The following ZNF440 variants were observed in gnomAD, a reference collection of about 807,000 sequenced individuals.
ZNF440 encodes the protein zinc finger protein 440.
In ZNF440, 47 loss-of-function variants were observed where a neutral mutation model predicts 49.7. The ratio of observed to expected loss-of-function variants is 0.95; its 90% CI spans 0.75 to 1.21. The LOEUF (loss-of-function observed/expected upper bound fraction) is 1.21, where lower values mean the gene tolerates loss of function less well. Ranked by LOEUF, ZNF440 falls within the 50% of genes most tolerant of loss-of-function variation. ZNF440 has a pLI of 0.00. For synonymous variants in ZNF440, 255 were observed against 237.7 expected, an observed-to-expected ratio of 1.07 and a Z score of -0.67; for missense variants, 703 against 715.0, an observed-to-expected ratio of 0.98 and a Z score of 0.19.
At chr19:11,814,778 C>G (rs1387117044) in intron 1 of ZNF440, among the ~76,000 whole-genome samples, 1 of 152,214 alleles carries the variant, frequency 6.6e-6, no homozygotes, top group Non-Finnish European at 1.5e-5. Context: ...CAAAGAAAAC[C>G]AGCATCTAGG....
In ZNF440 at chr19:11,832,807, G is replaced by C. The variant is rs138379383; in HGVS notation, c.1631G>C (p.Ser544Thr). 1 of 1,613,798 alleles carries C rather than the reference G, an allele frequency of 6.2e-7. No individual in the cohort carries two copies. The highest frequency in any genetic ancestry group is 8.5e-7 in the Non-Finnish European group (1 of 1,179,984). ...VGLTLKRNPMSVSNDGKPSDL... is the reference protein window; with the variant it reads ...VGLTLKRNPMTVSNDGKPSDL... ...CTCACCCTGAAGAGAAACCCTATGA[G>C]TGTGAGCAATGACGGAAAGCCTTCA... Residue 544 changes from serine (S) to threonine (T), a missense_variant, in exon 4 of 4, where the codon AGT becomes ACT. By Grantham distance (58) the Ser-to-Thr change is moderately conservative. Transcript: ENST00000304060.
In ZNF440 at chr19:11,834,234, C is replaced by A; in HGVS notation, c.*1270C>A. On this transcript the variant is annotated 3_prime_UTR_variant, in exon 4 of 4. Coordinates refer to ENST00000304060, the MANE Select transcript of ZNF440 (RefSeq NM_152357.3). ...CTCTGCCTCCAGGGTTCAAGCAATT[C>A]TCCTGCCTCAGTCTCCTGAGTAGCT... The A allele has an allele frequency of 5.1e-6, 1 of 195,464 alleles. No homozygotes were observed. The highest frequency in any genetic ancestry group is 1.1e-5 in the Non-Finnish European group (1 of 93,222). The allele number at this position is 195,464 out of a possible 1,614,324, so 12.1% of individuals were successfully genotyped here. A position where few individuals can be genotyped will look rare whatever the true frequency, so the allele number is the denominator to read the frequency against.
chr19:11,814,479 G>A (rs773785946), intron 1 of ZNF440, 29 bp downstream of exon 1: 2 of 1,512,214 alleles, frequency 1.3e-6, no homozygotes, highest in East Asian at 2.7e-5. Flanking sequence ...GCGTCCGGGC[G>A]ACTGGGAGAG....
chr19:11,825,704 A>ACT (rs896492090), intron 1 of ZNF440, among the ~76,000 whole-genome samples: 4 of 149,616 alleles, frequency 2.7e-5, no homozygotes, highest in Non-Finnish European at 5.9e-5. Context: ...AGGGTCTCAA[A>ACT]CTCCCCAGCT....
chr19:11,824,516 CGATATGT>C (rs1568240785), intron 1 of ZNF440, among the ~76,000 whole-genome samples: 2 of 151,902 alleles, frequency 1.3e-5, no homozygotes, highest in South Asian at 4.2e-4. Flanking sequence ...AAATGATAAC[CGATATGT>C]GATATTTTAT....
intron 1 of ZNF440, 128 bp from the exon 2 acceptor site, chr19:11,830,155 T>G: frequency 4.0e-6 from 6 of 1,509,590 alleles, no homozygotes; most frequent in Non-Finnish European, 5.3e-6. Context: ...GAGAAAGAGA[T>G]CTGATGACCA....
chr19:11,829,635 C>A (rs1975908798), intron 1 of ZNF440, among the ~76,000 whole-genome samples: 2 of 152,140 alleles, frequency 1.3e-5, no homozygotes, highest in Non-Finnish European at 2.9e-5. Context: ...TCCTATCCTG[C>A]TGTGGCTTTA....
rs777775298 is a variant in ZNF440, at chr19:11,832,478, A to G, written c.1302A>G (p.Arg434=). 4 of 1,614,034 alleles carry G rather than the reference A, an allele frequency of 2.5e-6. No homozygotes were observed. The highest frequency in any genetic ancestry group is 3.3e-5 in the Admixed American group (2 of 60,014). The change falls in exon 4 of 4, where the codon AGA becomes AGG. Residue 434 remains arginine (R), a synonymous_variant. Transcript: ENST00000304060. ...YECKECGKAF[R]YVNNLQSHER... is the part of the protein sequence containing the mutation. ...GTAAGGAATGTGGGAAAGCCTTCAG[A>G]TATGTGAATAACCTTCAAAGTCATG...
rs1975949216 is a variant in ZNF440 at position 11,832,008 on chromosome 19, C to T, written c.832C>T (p.His278Tyr). Residue 278 changes from histidine (H) to tyrosine (Y), a missense_variant, in exon 4 of 4, where the codon CAC (histidine) becomes TAC (tyrosine). Transcript: ENST00000304060. ...PRSYRRHERI[H>Y]MGEKAYQCKE... Reference sequence around the variant, plus strand: ...ATCCTATCGTAGACATGAAAGGATTCACATGGGAGAAAAGGCTTATCAATG... The same window carrying T: ...ATCCTATCGTAGACATGAAAGGATTTACATGGGAGAAAAGGCTTATCAATG... 3.7e-6 allele frequency: 6 copies of T among 1,613,854 alleles called. No homozygotes were observed. The highest frequency in any genetic ancestry group is 5.1e-6 in the Non-Finnish European group (6 of 1,179,994).
rs374917320 is a variant in ZNF440, at chr19:11,832,411, G to A, written c.1235G>A (p.Arg412Gln). 1.8e-5 allele frequency: 29 copies of A among 1,613,112 alleles called. No individual in the cohort carries two copies. The highest frequency in any genetic ancestry group is 8.8e-5 in the South Asian group (8 of 91,018). ...GCCTTCAGATCTGCCTCACACCTTC[G>A]AGTGCATGGTAGGACTCACACTGGA... is the stretch of plus-strand genomic sequence containing the variant. ...GKAFRSASHL[R>Q]VHGRTHTGEK... Residue 412 changes from arginine to glutamine, a missense_variant, in exon 4 of 4, where the codon CGA (arginine) becomes CAA (glutamine). Transcript: ENST00000304060.
At chr19:11,819,706 A>G (rs1453569440) in intron 1 of ZNF440, among the ~76,000 whole-genome samples, 1 of 152,168 alleles carries the variant, frequency 6.6e-6, no homozygotes, top group Non-Finnish European at 1.5e-5. Flanking sequence ...GGCCTGACTT[A>G]CTTGTTCACA....
At chr19:11,814,566 C>A (rs977604432) in intron 1 of ZNF440, 116 bp downstream of exon 1, 7 of 1,222,320 alleles carry the variant, frequency 5.7e-6, no homozygotes, top group Non-Finnish European at 6.4e-6. Context: ...GGACGCGAGT[C>A]CCCTCGGTCG....
intron 1 of ZNF440, chr19:11,830,045 C>T (rs1021753648): frequency 1.4e-6 from 1 of 719,678 alleles, no homozygotes; most frequent in East Asian, 3.1e-5. Context: ...GTGCTAGAAC[C>T]CCGGCAGTGA....
chr19:11,833,719 C>A lies in ZNF440; in HGVS notation c.*755C>A. 1.4e-6 allele frequency: 1 copy of A among 726,180 alleles called. No homozygotes were observed. Among genetic ancestry groups the A allele is most frequent in the Non-Finnish European group, 2.1e-6 (1 of 471,496 alleles). 45.0% of individuals were successfully genotyped at this position (726,180 alleles called of 1,614,324 possible). A position where few individuals can be genotyped will look rare whatever the true frequency, so the allele number is the denominator to read the frequency against. On this transcript the variant is annotated 3_prime_UTR_variant, in exon 4 of 4. Transcript: ENST00000304060. ...AGTTCCCTTCAATATCATGAAAGGACTCACACTGGAGAGAAGCCCTATGAA... is the reference window on the plus strand; with the variant it reads ...AGTTCCCTTCAATATCATGAAAGGAATCACACTGGAGAGAAGCCCTATGAA...
chr19:11,827,705 TTC>T (rs1246271902), intron 1 of ZNF440: 1 of 152,168 alleles, frequency 6.6e-6, no homozygotes, highest in Non-Finnish European at 1.5e-5. Flanking sequence ...AAAGGTGCAG[TTC>T]TGTGTCTAAT....
rs774016272 is a variant in ZNF440 at position 11,830,289 on chromosome 19, G to T, written c.10G>T (p.Val4Leu). The change falls in exon 2 of 4, where the codon GTG becomes TTG. Residue 4 changes from valine (V) to leucine (L), a missense_variant. Coordinates refer to ENST00000304060, the MANE Select transcript of ZNF440 (RefSeq NM_152357.3). MDP[V>L]AFKDVAVNFT... The stretch of plus-strand genomic sequence containing the variant: ...CACATGTGAGATGTTTCAGGACCCA[G>T]TGGCTTTTAAGGATGTGGCTGTGAA... The T allele has an allele frequency of 5.0e-6, 8 of 1,614,086 alleles. No individual in the cohort carries two copies. In the Admixed American group the frequency reaches 8.3e-5, roughly 17 times the overall value.
At position 11,832,560 on chromosome 19, in the gene ZNF440, A is replaced by C. The variant is rs1410971897; in HGVS notation, c.1384A>C (p.Ile462Leu). Residue 462 changes from isoleucine (I) to leucine (L), a missense_variant, in exon 4 of 4, where the codon ATA becomes CTA. Coordinates refer to ENST00000304060, the MANE Select transcript of ZNF440 (RefSeq NM_152357.3). ...HSGERRYKCK[I>L]CGKGFYCPKS... ...TGGAGAAAGACGTTATAAATGTAAG[A>C]TATGTGGGAAAGGCTTTTATTGTCC... 13 of 1,613,796 alleles carry C rather than the reference A, an allele frequency of 8.1e-6. 1 individual carries two copies. The South Asian group carries it at 9.9e-5, about 12-fold the overall frequency.
At position 11,827,067 on chromosome 19, in the gene ZNF440, C is replaced by A. The variant is rs1423517295; in HGVS notation, c.4-3216C>A. Among the ~76,000 whole-genome samples the A allele has an allele frequency of 1.1e-4, 16 of 140,414 alleles. No homozygotes were observed. In the East Asian group the frequency reaches 3.3e-3, roughly 29 times the overall value. The allele number at this position is 140,414 out of a possible 152,430, so 92.1% of individuals were successfully genotyped here. A position where few individuals can be genotyped will look rare whatever the true frequency, so the allele number is the denominator to read the frequency against. On this transcript the variant is annotated intron_variant, in intron 1 of 3. Transcript: ENST00000304060. Reference sequence around the variant, plus strand: ...GGGAGGTATACTTGGAAAGATTGGGCTTTTTTTTTTTTTTGAGACTGAGTC... The same window carrying A: ...GGGAGGTATACTTGGAAAGATTGGGATTTTTTTTTTTTTTGAGACTGAGTC...
chr19:11,831,336 A>G, intron 3 of ZNF440, 32 bp from the exon 4 acceptor site: 2 of 1,583,970 alleles, frequency 1.3e-6, no homozygotes, highest in Non-Finnish European at 1.7e-6. Context: ...TTATAAACAA[A>G]CCCTTCATAA....
Sources: gnomAD v4.1 joint callset for allele counts (sites outside exome capture counted in the v4.1 genomes callset) on GRCh38, gnomAD v4.1.1 for gene constraint, MANE v1.5 for transcripts, NCBI Gene and HGNC (gene_info 2026-07-23, HGNC 2026-07-21) for gene names.